The following SCFD2 variants were observed in gnomAD, a reference collection of about 807,000 sequenced individuals.
SCFD2 encodes sec1 family domain containing 2, also known as sec1 family domain-containing protein 2.
In SCFD2, 54 loss-of-function variants were observed where a neutral mutation model predicts 58.9. The ratio of observed to expected loss-of-function variants is 0.92; its 90% CI spans 0.74 to 1.15. The LOEUF (loss-of-function observed/expected upper bound fraction) is 1.15, where lower values mean the gene tolerates loss of function less well. Among genes scored for constraint, SCFD2 ranks in the 50% most tolerant of loss-of-function variants. The pLI is 0.00. For missense variants in SCFD2, 805 were observed against 836.6 expected (o/e 0.96, Z 0.47); for synonymous variants, 321 against 335.9 (o/e 0.96, Z 0.49).
At chr4:53,258,548 A>G (rs1233126748) in intron 4 of SCFD2, among the ~76,000 whole-genome samples, 440 of 28,512 alleles carry the variant, frequency 0.015, 15 homozygotes, top group African/African-American at 0.035. Context: ...GTATATATAT[A>G]TATATATATA....
At position 52,907,599 on chromosome 4, in the gene SCFD2, G is replaced by A; in HGVS notation, c.1708-8C>T. On this transcript the variant is annotated splice_polypyrimidine_tract_variant and splice_region_variant and intron_variant, in intron 6 of 8. Transcript: ENST00000401642. ...CAATGGCTTATAAGATGCCTGGAAAGACAAAATACTATGAGTAAAGGGATT... is the reference window on the plus strand; with the variant it reads ...CAATGGCTTATAAGATGCCTGGAAAAACAAAATACTATGAGTAAAGGGATT... 1 of 1,613,764 alleles carries A rather than the reference G, an allele frequency of 6.2e-7. No homozygotes were observed. Among genetic ancestry groups the A allele is most frequent in the South Asian group, 1.1e-5 (1 of 91,062 alleles).
At chr4:53,195,828 A>G (rs1728042252) in intron 4 of SCFD2, among the ~76,000 whole-genome samples, 1 of 152,194 alleles carries the variant, frequency 6.6e-6, no homozygotes, top group Non-Finnish European at 1.5e-5. Context: ...GCAATTTCCA[A>G]GATATTAAAA....
chr4:53,014,306 A>G (rs946995980), intron 5 of SCFD2, among the ~76,000 whole-genome samples: 5 of 152,192 alleles, frequency 3.3e-5, no homozygotes, highest in Non-Finnish European at 5.9e-5. Flanking sequence ...TTGTGAAAAC[A>G]GTGTTAGTTA....
intron 5 of SCFD2, among the ~76,000 whole-genome samples, chr4:52,963,625 C>G (rs1720899697): frequency 1.3e-5 from 2 of 152,148 alleles, no homozygotes; most frequent in Non-Finnish European, 2.9e-5. Flanking sequence ...CTGCAAAAGT[C>G]TCTCCATCAA....
chr4:53,045,731 T>C (rs145131269), intron 5 of SCFD2, among the ~76,000 whole-genome samples: 89 of 152,282 alleles, frequency 5.8e-4, no homozygotes, highest in African/African-American at 2.1e-3. Flanking sequence ...AAAATGCTTA[T>C]TTGATGACTG....
chr4:53,115,413 A>G (rs1307685054), intron 5 of SCFD2, among the ~76,000 whole-genome samples: 2 of 152,188 alleles, frequency 1.3e-5, no homozygotes, highest in Non-Finnish European at 2.9e-5. Flanking sequence ...GGTCCATCCT[A>G]GAAGCTTCCA....
chr4:52,946,973 C>T (rs1720446791), intron 5 of SCFD2, among the ~76,000 whole-genome samples: 2 of 152,158 alleles, frequency 1.3e-5, no homozygotes. Context: ...CTGACAGTTT[C>T]CAGCCCATGC....
chr4:53,013,534 T>A (rs1045270624), intron 5 of SCFD2, among the ~76,000 whole-genome samples: 1 of 152,238 alleles, frequency 6.6e-6, no homozygotes, highest in South Asian at 2.1e-4. Flanking sequence ...ACGAAAATCA[T>A]TTAGCTGTTA....
intron 5 of SCFD2, among the ~76,000 whole-genome samples, chr4:53,118,387 G>A (rs1448926750): frequency 6.6e-6 from 1 of 152,262 alleles, no homozygotes; most frequent in East Asian, 1.9e-4. Context: ...TCTTTGAGTA[G>A]TTATTGATTA....
intron 1 of SCFD2, among the ~76,000 whole-genome samples, chr4:53,356,136 G>C (rs1243616189): frequency 6.6e-6 from 1 of 152,160 alleles, no homozygotes; most frequent in Non-Finnish European, 1.5e-5. Flanking sequence ...TTCCTCATTG[G>C]CTGTTGAAAG....
At chr4:53,251,663 G>T (rs1224960624) in intron 4 of SCFD2, among the ~76,000 whole-genome samples, 1 of 151,942 alleles carries the variant, frequency 6.6e-6, no homozygotes. Context: ...TGCAGAAAAG[G>T]CCTTTGACAA....
At chr4:52,943,548 A>C (rs1194171616) in intron 5 of SCFD2, among the ~76,000 whole-genome samples, 2 of 152,134 alleles carry the variant, frequency 1.3e-5, no homozygotes, top group Non-Finnish European at 2.9e-5. Context: ...ACTTGTGCCC[A>C]TATCCTAACT....
At chr4:53,182,078 C>T (rs1407585662) in intron 4 of SCFD2, among the ~76,000 whole-genome samples, 1 of 152,088 alleles carries the variant, frequency 6.6e-6, no homozygotes, top group Non-Finnish European at 1.5e-5. Flanking sequence ...CCATATTGCC[C>T]AAGGTAATTT....
intron 2 of SCFD2, among the ~76,000 whole-genome samples, chr4:53,338,623 C>G (rs1294381707): frequency 1.0e-5 from 1 of 99,226 alleles, no homozygotes; most frequent in South Asian, 3.7e-4. Flanking sequence ...CTCTGTCGCC[C>G]AGGCTGGAGT....
intron 8 of SCFD2, among the ~76,000 whole-genome samples, chr4:52,880,508 T>G (rs1718583742): frequency 1.3e-5 from 2 of 150,262 alleles, no homozygotes; most frequent in East Asian, 3.9e-4. Flanking sequence ...TCCTAGCTAC[T>G]CGGGAGGCTG....
chr4:53,139,070 C>G (rs1726031173), intron 5 of SCFD2, among the ~76,000 whole-genome samples: 1 of 152,192 alleles, frequency 6.6e-6, no homozygotes, highest in Non-Finnish European at 1.5e-5. Flanking sequence ...GGGGTTTCGC[C>G]ATGTTGGCTG....
At chr4:53,338,833 GC>G (rs1395566035) in intron 2 of SCFD2, among the ~76,000 whole-genome samples, 1 of 151,754 alleles carries the variant, frequency 6.6e-6, no homozygotes, top group Non-Finnish European at 1.5e-5. Flanking sequence ...GCCCGCCTCG[GC>G]CTCCCAAAGT....
intron 5 of SCFD2, among the ~76,000 whole-genome samples, chr4:52,923,303 C>T (rs1053976479): frequency 3.9e-4 from 60 of 151,962 alleles, no homozygotes; most frequent in African/African-American, 1.4e-3. Context: ...ATGGTGAAAC[C>T]CTGTCTCTAC....
At chr4:52,943,446 C>G (rs1173391639) in intron 5 of SCFD2, among the ~76,000 whole-genome samples, 1 of 152,122 alleles carries the variant, frequency 6.6e-6, no homozygotes, top group Non-Finnish European at 1.5e-5. Flanking sequence ...GGCCTTCTTG[C>G]TGCATCTTCA....
Sources: allele counts gnomAD v4.1 joint callset (sites outside exome capture counted in the v4.1 genomes callset), GRCh38; gene constraint gnomAD v4.1.1; transcripts MANE v1.5; gene names NCBI Gene and HGNC (gene_info 2026-07-23, HGNC 2026-07-21).